Variants in DNAAF9 observed in about 807,000 individuals in gnomAD.
DNAAF9 encodes the protein shulin.
Under a neutral mutation model 167.0 loss-of-function variants are expected in DNAAF9, and 90 were observed. That is an observed-to-expected ratio of 0.54 (90% CI 0.45 to 0.64). The LOEUF is 0.64. Ranked by LOEUF, DNAAF9 falls within the 30% of genes least tolerant of loss-of-function variation. DNAAF9 has a pLI of 0.00. For missense variants in DNAAF9, 1,315 were observed against 1,442.2 expected (o/e 0.91, Z 1.43); for synonymous variants, 491 against 508.8 (o/e 0.96, Z 0.47).
intron 7 of DNAAF9, among the ~76,000 whole-genome samples, chr20:3,354,113 T>A (rs958444378): frequency 2.6e-5 from 4 of 152,216 alleles, no homozygotes; most frequent in Admixed American, 2.0e-4. Flanking sequence ...CAGAAGAGAC[T>A]GAGGCACCAG....
Position 3,376,170 on chromosome 20 carries a change from C to G in DNAAF9, c.408+8G>C. ...TCTCTAGGTGCCTGTCTTCTCTTTTCTTCTTACCTCATTTTCGGTCATGCA... is the reference window on the plus strand; with the variant it reads ...TCTCTAGGTGCCTGTCTTCTCTTTTGTTCTTACCTCATTTTCGGTCATGCA... On this transcript the variant is annotated splice_region_variant and intron_variant, in intron 4 of 36. Coordinates refer to ENST00000252032, the MANE Select transcript of DNAAF9 (RefSeq NM_001009984.3). The G allele has an allele frequency of 6.2e-7, 1 of 1,611,764 alleles. No individual in the cohort carries two copies. The highest frequency in any genetic ancestry group is 8.5e-7 in the Non-Finnish European group (1 of 1,179,270).
At chr20:3,381,073 T>C (rs926336488) in intron 3 of DNAAF9, among the ~76,000 whole-genome samples, 2 of 152,200 alleles carry the variant, frequency 1.3e-5, no homozygotes, top group African/African-American at 4.8e-5. Context: ...TCTGAACCGT[T>C]AGCATGTAGA....
intron 7 of DNAAF9, among the ~76,000 whole-genome samples, chr20:3,349,195 AAAAAAAAAC>A (rs1303750261): frequency 6.6e-5 from 9 of 136,410 alleles, no homozygotes; most frequent in East Asian, 2.1e-4. Context: ...TCTCTACCAA[AAAAAAAAAC>A]AAAAAAAAAA....
chr20:3,370,328 A>T (rs912110830), intron 6 of DNAAF9, among the ~76,000 whole-genome samples: 1 of 152,040 alleles, frequency 6.6e-6, no homozygotes, highest in Admixed American at 6.6e-5. Flanking sequence ...AGCCCACTGC[A>T]GCCTGGAGCT....
At chr20:3,333,460 C>T (rs2091740859) in intron 10 of DNAAF9, among the ~76,000 whole-genome samples, 1 of 152,156 alleles carries the variant, frequency 6.6e-6, no homozygotes, top group Admixed American at 6.5e-5. Context: ...TTTAAGACAA[C>T]AACACTAGAA....
At chr20:3,275,366 GTGCAAA>G (rs2068659650) in intron 29 of DNAAF9, among the ~76,000 whole-genome samples, 1 of 152,206 alleles carries the variant, frequency 6.6e-6, no homozygotes, top group Non-Finnish European at 1.5e-5. Flanking sequence ...TGTCAGACTA[GTGCAAA>G]TGTGGCCATA....
Position 3,381,507 on chromosome 20 carries a change from C to T in DNAAF9, c.164-9G>A. The T allele has an allele frequency of 6.2e-7, 1 of 1,612,688 alleles. No individual in the cohort carries two copies. The highest frequency in any genetic ancestry group is 1.1e-5 in the South Asian group (1 of 90,872). On this transcript the variant is annotated splice_polypyrimidine_tract_variant and intron_variant, in intron 2 of 36. Transcript: ENST00000252032. The stretch of plus-strand genomic sequence containing the variant: ...GTACCTGCTATCGATTCCTGCAAGG[C>T]AAAGGAGGCTCTGATCAGCTGTACC...
rs577177797 is a variant in DNAAF9 at position 3,329,919 on chromosome 20, G to A, written c.1100+727C>T. 3.3e-5 allele frequency among the ~76,000 whole-genome samples: 5 copies of A among 152,322 alleles called. No homozygotes were observed. The East Asian group carries it at 9.6e-4, about 29-fold the overall frequency. ...GACCCTTTCTGAGGTTGCACAGCCA[G>A]TGTTCACACCCTCTCACTATGTTCC... On this transcript the variant is annotated intron_variant, in intron 12 of 36. Coordinates refer to ENST00000252032, the MANE Select transcript of DNAAF9 (RefSeq NM_001009984.3).
chr20:3,268,879 GATA>G, intron 30 of DNAAF9, among the ~76,000 whole-genome samples: 1 of 135,326 alleles, frequency 7.4e-6, no homozygotes, highest in Middle Eastern at 4.0e-3. Context: ...GAAGTAAAGA[GATA>G]ATATCTCTAT....
chr20:3,330,562 G>T, intron 12 of DNAAF9, 84 bp downstream of exon 12: 1 of 829,906 alleles, frequency 1.2e-6, no homozygotes, highest in Non-Finnish European at 2.0e-6. Flanking sequence ...CTTAATCACT[G>T]TTGATCTCAA....
At chr20:3,306,961 C>A in intron 20 of DNAAF9, 1 of 985,290 alleles carries the variant, frequency 1.0e-6, no homozygotes, top group South Asian at 4.7e-5. Flanking sequence ...AGTACCTGCA[C>A]CCTTCCCTGT....
chr20:3,361,835 C>A (rs1401018018), intron 6 of DNAAF9: 1 of 1,430,878 alleles, frequency 7.0e-7, no homozygotes, highest in Non-Finnish European at 9.6e-7. Flanking sequence ...CTGCTTAAAT[C>A]GAATGTTGGG....
At chr20:3,325,883 G>GT (rs11297064) in intron 13 of DNAAF9, among the ~76,000 whole-genome samples, 111 of 147,708 alleles carry the variant, frequency 7.5e-4, no homozygotes, top group South Asian at 3.0e-3. Flanking sequence ...TGTCTTTTTG[G>GT]TTTTTTTTTT....
intron 9 of DNAAF9, among the ~76,000 whole-genome samples, chr20:3,341,460 G>T (rs551736923): frequency 6.6e-6 from 1 of 152,188 alleles, no homozygotes; most frequent in East Asian, 1.9e-4. Flanking sequence ...GCAGCTTGCT[G>T]CTCCCTCCTC....
chr20:3,368,034 C>T (rs544748028), intron 6 of DNAAF9, among the ~76,000 whole-genome samples: 29 of 152,274 alleles, frequency 1.9e-4, no homozygotes, highest in African/African-American at 6.7e-4. Context: ...CAGCCCAGAA[C>T]ACACATCAGG....
intron 35 of DNAAF9, among the ~76,000 whole-genome samples, chr20:3,254,783 TGGAGGCTG>T (rs1014985534): frequency 6.6e-6 from 1 of 152,188 alleles, no homozygotes; most frequent in Admixed American, 6.5e-5. Context: ...GGTCAGAGCC[TGGAGGCTG>T]GGAGGCTCAT....
intron 30 of DNAAF9, among the ~76,000 whole-genome samples, chr20:3,270,135 GC>G (rs2068567398): frequency 1.2e-5 from 1 of 81,796 alleles, no homozygotes; most frequent in South Asian, 4.7e-4. Context: ...TGCCCAGCCT[GC>G]TTTTTTTTTT....
intron 28 of DNAAF9, among the ~76,000 whole-genome samples, chr20:3,280,660 G>C (rs1343182338): frequency 6.6e-6 from 1 of 152,032 alleles, no homozygotes; most frequent in Non-Finnish European, 1.5e-5. Context: ...CTGTTGCCCA[G>C]GTTGGAGTGC....
intron 3 of DNAAF9, among the ~76,000 whole-genome samples, chr20:3,377,469 T>TC (rs1473696578): frequency 7.7e-6 from 1 of 129,160 alleles, no homozygotes; most frequent in Non-Finnish European, 1.6e-5. Flanking sequence ...GTTTTCTTTC[T>TC]TTTTTTTTTT....
Sources: allele counts gnomAD v4.1 joint callset (sites outside exome capture counted in the v4.1 genomes callset), GRCh38; gene constraint gnomAD v4.1.1; transcripts MANE v1.5; gene names NCBI Gene and HGNC (gene_info 2026-07-23, HGNC 2026-07-21).